The following CCSER1 variants were observed in gnomAD, a reference collection of about 807,000 sequenced individuals.
CCSER1 encodes the protein serine-rich coiled-coil domain-containing protein 1.
Under a neutral mutation model 82.0 loss-of-function variants are expected in CCSER1, and 41 were observed. That is an observed-to-expected ratio of 0.50 (90% CI 0.39 to 0.65). The LOEUF is 0.65. CCSER1 is among the 30% of genes least tolerant of loss of function. CCSER1 has a pLI of 0.00. For synonymous variants in CCSER1, 414 were observed against 383.9 expected, an observed-to-expected ratio of 1.08 and a Z score of -0.92; for missense variants, 1,119 against 1,064.2, an observed-to-expected ratio of 1.05 and a Z score of -0.72.
At chr4:91,412,276 C>A (rs942756033) in intron 10 of CCSER1, among the ~76,000 whole-genome samples, 3 of 151,986 alleles carry the variant, frequency 2.0e-5, no homozygotes, top group African/African-American at 4.8e-5. Flanking sequence ...AAGAGTCACA[C>A]CCACTCAAGC....
At position 91,203,303 on chromosome 4, in the gene CCSER1, AT is replaced by A. The variant is rs532500794; in HGVS notation, c.2217+117317del. Reference sequence around the variant, plus strand: ...ACTATCTTTTATCAAATAAGGAAAGATTTTTTTTCAAAGAGTTTTAAAAATA... The same window carrying A: ...ACTATCTTTTATCAAATAAGGAAAGATTTTTTTCAAAGAGTTTTAAAAATA... On this transcript the variant is annotated intron_variant, in intron 10 of 10. Transcript: ENST00000509176. 1.2e-4 allele frequency among the ~76,000 whole-genome samples: 18 copies of A among 151,822 alleles called. No individual in the cohort carries two copies. The East Asian group carries it at 2.5e-3, about 21-fold the overall frequency.
intron 5 of CCSER1, among the ~76,000 whole-genome samples, chr4:90,499,427 G>T (rs1271408273): frequency 6.6e-6 from 1 of 152,038 alleles, no homozygotes; most frequent in Non-Finnish European, 1.5e-5. Flanking sequence ...TGATTTCTTA[G>T]CAAAAACTGT....
intron 10 of CCSER1, among the ~76,000 whole-genome samples, chr4:91,520,359 C>T (rs900471105): frequency 6.6e-6 from 1 of 150,736 alleles, no homozygotes; most frequent in African/African-American, 2.4e-5. Context: ...GTAGGCTCGC[C>T]TCCCTGAGTG....
At chr4:91,353,877 A>C (rs977851096) in intron 10 of CCSER1, among the ~76,000 whole-genome samples, 2 of 152,200 alleles carry the variant, frequency 1.3e-5, no homozygotes, top group African/African-American at 4.8e-5. Context: ...ACATGGCTAC[A>C]GGATTGCATC....
intron 9 of CCSER1, among the ~76,000 whole-genome samples, chr4:90,982,799 G>A (rs1242780674): frequency 4.6e-5 from 7 of 151,674 alleles, no homozygotes; most frequent in Non-Finnish European, 1.5e-5. Context: ...AAAAGAGTGA[G>A]AAAAGATATT....
intron 9 of CCSER1, among the ~76,000 whole-genome samples, chr4:90,926,037 T>C (rs1482785584): frequency 2.0e-5 from 3 of 152,004 alleles, no homozygotes. Context: ...ACTGGAAATA[T>C]ATGATTCATA....
chr4:91,356,881 C>T (rs531179318), intron 10 of CCSER1, among the ~76,000 whole-genome samples: 1 of 152,176 alleles, frequency 6.6e-6, no homozygotes, highest in Non-Finnish European at 1.5e-5. Context: ...CTTATTACTC[C>T]AGGCTGTAGA....
intron 10 of CCSER1, among the ~76,000 whole-genome samples, chr4:91,247,457 G>T (rs1739887591): frequency 6.6e-6 from 1 of 152,210 alleles, no homozygotes; most frequent in Non-Finnish European, 1.5e-5. Context: ...GTTTAGCTAA[G>T]TGGGTTATTA....
At position 91,375,534 on chromosome 4, in the gene CCSER1, T is replaced by TTTA. The variant is rs1553929942; in HGVS notation, c.2218-223037_2218-223036insTAT. On this transcript the variant is annotated intron_variant, in intron 10 of 10. Coordinates refer to ENST00000509176, the MANE Select transcript of CCSER1 (RefSeq NM_001145065.2). ...TCACTGTTGTCTTTTTTTTTTTTTT[T>TTTA]TAAGACAACTAAAGCCACTTAAACT... Among the ~76,000 whole-genome samples, 14 of 151,830 alleles carry TTTA rather than the reference T, an allele frequency of 9.2e-5. 1 individual carries two copies. The South Asian group carries it at 2.7e-3, about 29-fold the overall frequency.
intron 10 of CCSER1, among the ~76,000 whole-genome samples, chr4:91,165,128 CTTTTTG>C (rs1731895161): frequency 1.3e-5 from 2 of 152,100 alleles, no homozygotes; most frequent in Admixed American, 1.3e-4. Context: ...TTCGGATGTC[CTTTTTG>C]TTGATCTTGA....
At chr4:91,182,295 A>G (rs1014415007) in intron 10 of CCSER1, among the ~76,000 whole-genome samples, 1 of 152,180 alleles carries the variant, frequency 6.6e-6, no homozygotes, top group African/African-American at 2.4e-5. Context: ...TACAAGCATA[A>G]TCTCTACCCC....
intron 6 of CCSER1, among the ~76,000 whole-genome samples, chr4:90,684,048 A>G (rs775594763): frequency 1.3e-5 from 2 of 152,144 alleles, no homozygotes; most frequent in African/African-American, 4.8e-5. Flanking sequence ...TCTGAGGTTG[A>G]TTGAGTTGTG....
intron 5 of CCSER1, among the ~76,000 whole-genome samples, chr4:90,598,906 G>C (rs949286213): frequency 6.6e-6 from 1 of 152,150 alleles, no homozygotes; most frequent in Non-Finnish European, 1.5e-5. Flanking sequence ...ATGTGTGAGA[G>C]CATGGTGCAA....
chr4:91,026,049 C>G (rs942992153), intron 9 of CCSER1, among the ~76,000 whole-genome samples: 1 of 152,056 alleles, frequency 6.6e-6, no homozygotes, highest in Admixed American at 6.6e-5. Flanking sequence ...TTGTTAGTAT[C>G]CTGTAAATTG....
intron 5 of CCSER1, among the ~76,000 whole-genome samples, chr4:90,495,094 A>G (rs1447420951): frequency 2.6e-5 from 4 of 152,138 alleles, no homozygotes; most frequent in Non-Finnish European, 4.4e-5. Context: ...AATGACTTGA[A>G]TCTTCTCTAT....
At chr4:91,385,029 A>G (rs938167373) in intron 10 of CCSER1, among the ~76,000 whole-genome samples, 5 of 152,084 alleles carry the variant, frequency 3.3e-5, no homozygotes, top group Middle Eastern at 3.2e-3. Context: ...TTGGCAATAT[A>G]TAAGAAAAAC....
chr4:90,594,006 G>A (rs1430511335), intron 5 of CCSER1, among the ~76,000 whole-genome samples: 1 of 151,888 alleles, frequency 6.6e-6, no homozygotes, highest in African/African-American at 2.4e-5. Flanking sequence ...CAGGCCCATT[G>A]TAAAGTGGTT....
intron 1 of CCSER1, among the ~76,000 whole-genome samples, chr4:90,142,587 C>A (rs1724995541): frequency 6.6e-6 from 1 of 151,448 alleles, no homozygotes; most frequent in Admixed American, 6.6e-5. Context: ...CAGGCAAATG[C>A]ACAATACAGC....
In CCSER1 at chr4:90,460,052, C is replaced by T. The variant is rs562633334; in HGVS notation, c.1604-8182C>T. Among the ~76,000 whole-genome samples the T allele has an allele frequency of 3.1e-4, 46 of 146,384 alleles. 2 individuals are homozygous for T. The highest frequency in any genetic ancestry group is 6.8e-3 in the Middle Eastern group (2 of 294). On this transcript the variant is annotated intron_variant, in intron 4 of 10. Coordinates refer to ENST00000509176, the MANE Select transcript of CCSER1 (RefSeq NM_001145065.2). ...CTATTCAAAAACTAAGGCGGCCGGG[C>T]GCGGTGGCTCACGCCTGTAATCCCA... is the stretch of plus-strand genomic sequence containing the variant.
Sources: gnomAD v4.1 joint callset for allele counts (sites outside exome capture counted in the v4.1 genomes callset) on GRCh38, gnomAD v4.1.1 for gene constraint, MANE v1.5 for transcripts, NCBI Gene and HGNC (gene_info 2026-07-23, HGNC 2026-07-21) for gene names.